CFAP54: variants seen among roughly 807,000 people sequenced by gnomAD.
The protein encoded by CFAP54 is cilia- and flagella-associated protein 54.
CFAP54 carries 290 observed loss-of-function variants against 370.4 expected under a neutral mutation model. The observed-to-expected ratio is 0.78, with a 90% CI of 0.71 to 0.86. The LOEUF (loss-of-function observed/expected upper bound fraction) is 0.86. CFAP54 is among the 40% of genes least tolerant of loss of function. The pLI, the probability that CFAP54 is intolerant of heterozygous loss-of-function variation, is 0.00. For synonymous variants in CFAP54, 1,206 were observed against 1,236.5 expected, an observed-to-expected ratio of 0.98 and a Z score of 0.52; for missense variants, 3,399 against 3,528.7, an observed-to-expected ratio of 0.96 and a Z score of 0.93.
chr12:96,653,650 T>TATA (rs1163702202), intron 36 of CFAP54, among the ~76,000 whole-genome samples: 2 of 151,482 alleles, frequency 1.3e-5, no homozygotes, highest in Non-Finnish European at 2.9e-5. Context: ...CAATGCTTAA[T>TATA]AGGAAAGAAA....
At chr12:96,580,576 G>A (rs1956022843) in intron 20 of CFAP54, 21 bp from the exon 21 acceptor site, 3 of 1,427,910 alleles carry the variant, frequency 2.1e-6, no homozygotes, top group Middle Eastern at 1.8e-4. Context: ...TTTTAAACAG[G>A]CTCATTTTTC....
At chr12:96,493,536 G>A (rs960549592) in intron 1 of CFAP54, among the ~76,000 whole-genome samples, 1 of 152,128 alleles carries the variant, frequency 6.6e-6, no homozygotes, top group African/African-American at 2.4e-5. Context: ...AGCTGGGTGC[G>A]GTGGCTCACG....
intron 36 of CFAP54, among the ~76,000 whole-genome samples, chr12:96,654,088 A>G (rs1592689909): frequency 1.3e-5 from 2 of 152,372 alleles, no homozygotes; most frequent in East Asian, 3.9e-4. Flanking sequence ...GTACTAACAA[A>G]CTTGACTTCA....
In CFAP54 at chr12:96,723,661, C is replaced by CT. The variant is rs367616321; in HGVS notation, c.6965+3106dup. ...CTGGAGCCCACAAATAAAGATGATT[C>CT]TTTTTTTTTTCTTTTTTTAAATTAT... On this transcript the variant is annotated intron_variant, in intron 50 of 67. Transcript: ENST00000524981. Among the ~76,000 whole-genome samples, 459 of 148,056 alleles carry CT rather than the reference C, an allele frequency of 3.1e-3. 4 individuals are homozygous for CT. The highest frequency in any genetic ancestry group is 2.5e-3 in the Non-Finnish European group (165 of 66,534).
intron 50 of CFAP54, among the ~76,000 whole-genome samples, chr12:96,731,779 C>T (rs142473882): frequency 3.5e-4 from 53 of 152,110 alleles, no homozygotes; most frequent in African/African-American, 1.2e-3. Context: ...CATAATGTTA[C>T]AAAATCCTAG....
intron 66 of CFAP54, among the ~76,000 whole-genome samples, chr12:96,852,959 A>T (rs1437985457): frequency 6.6e-6 from 1 of 152,138 alleles, no homozygotes; most frequent in African/African-American, 2.4e-5. Flanking sequence ...TTTTAAACAG[A>T]AATTGTCAGA....
At chr12:96,542,524 T>G (rs1239355421) in intron 14 of CFAP54, among the ~76,000 whole-genome samples, 3 of 152,198 alleles carry the variant, frequency 2.0e-5, no homozygotes, top group Non-Finnish European at 4.4e-5. Flanking sequence ...TAAATCACCA[T>G]GTATGCATCG....
chr12:96,830,632 T>C (rs887366348), intron 66 of CFAP54, among the ~76,000 whole-genome samples: 12 of 152,114 alleles, frequency 7.9e-5, no homozygotes, highest in African/African-American at 2.9e-4. Flanking sequence ...CAATAGTAGA[T>C]GAGAGGACCA....
chr12:96,720,682 T>C (rs1957740578), intron 50 of CFAP54, 117 bp downstream of exon 50: 1 of 833,578 alleles, frequency 1.2e-6, no homozygotes, highest in Non-Finnish European at 1.6e-6. Flanking sequence ...CATAGTATGC[T>C]TGCTTTTTAT....
chr12:96,817,818 G>T lies in CFAP54; in HGVS notation c.9001G>T (p.Ala3001Ser). The change falls in exon 65 of 68, where the codon GCT becomes TCT. Residue 3001 changes from alanine to serine, a missense_variant. By Grantham distance (99) the Ala-to-Ser change is moderately conservative. Coordinates refer to ENST00000524981, the MANE Select transcript of CFAP54 (RefSeq NM_001306084.2). ...GAAATTATCTAATCTTGCTCAAATA[G>T]CTGAACTATCATTGCCAGCAGCTCC... ...HEKLSNLAQI[A>S]ELSLPAAPEI... 6.6e-7 allele frequency: 1 copy of T among 1,509,964 alleles called. No homozygotes were observed. Among genetic ancestry groups the T allele is most frequent in the Non-Finnish European group, 8.8e-7 (1 of 1,131,988 alleles). 93.5% of individuals were successfully genotyped at this position (1,509,964 alleles called of 1,614,324 possible).
At chr12:96,521,384 C>T (rs1356408884) in intron 6 of CFAP54, among the ~76,000 whole-genome samples, 1 of 152,100 alleles carries the variant, frequency 6.6e-6, no homozygotes, top group Non-Finnish European at 1.5e-5. Context: ...GTATTGGAGA[C>T]ACAAAAATGA....
chr12:96,700,319 A>G (rs1261994347), intron 46 of CFAP54, among the ~76,000 whole-genome samples: 2 of 152,120 alleles, frequency 1.3e-5, no homozygotes, highest in African/African-American at 4.8e-5. Flanking sequence ...TTGCAATCGA[A>G]TTCTGGCTCA....
chr12:96,679,811 A>G (rs918021765), intron 40 of CFAP54, 59 bp downstream of exon 40: 70 of 1,544,136 alleles, frequency 4.5e-5, no homozygotes, highest in Non-Finnish European at 6.1e-5. Flanking sequence ...CACCCTGCAG[A>G]TGTCCCTCTT....
chr12:96,872,603 T>C (rs866992846), intron 67 of CFAP54, among the ~76,000 whole-genome samples: 18 of 152,338 alleles, frequency 1.2e-4, no homozygotes, highest in Middle Eastern at 3.4e-3. Context: ...GATGACATAG[T>C]TCTAAATGTG....
At chr12:96,788,942 T>A (rs1041854104) in intron 62 of CFAP54, among the ~76,000 whole-genome samples, 2 of 152,168 alleles carry the variant, frequency 1.3e-5, no homozygotes, top group Non-Finnish European at 2.9e-5. Context: ...TGTGCCCAGA[T>A]TCTAAATCAT....
intron 5 of CFAP54, among the ~76,000 whole-genome samples, chr12:96,515,912 G>GTTTTTTTTTTTTTTTTT (rs71437221): frequency 9.2e-6 from 1 of 108,270 alleles, no homozygotes. Flanking sequence ...TTACCTCTAT[G>GTTTTTTTTTTTTTTTTT]TTTTTTTTTT....
rs187800331 is a variant in CFAP54, at chr12:96,691,287, C to T, written c.6241C>T (p.His2081Tyr). The part of the protein sequence containing the change: ...ASLYYIIREL[H>Y]FVRQNLIVLP... ...TCTGTATTACATTATACGTGAACTG[C>T]ACTTTGTTAGGCAAAACCTAATAGT... Residue 2081 changes from histidine to tyrosine, a missense_variant, in exon 44 of 68, where the codon CAC becomes TAC. Physicochemically the swap from His to Tyr is moderately conservative, Grantham distance 83 (BLOSUM62 2). Transcript: ENST00000524981. 3 of 1,594,660 alleles carry T rather than the reference C, an allele frequency of 1.9e-6. No individual in the cohort carries two copies. Among genetic ancestry groups the T allele is most frequent in the Admixed American group, 1.8e-5 (1 of 54,750 alleles).
intron 58 of CFAP54, among the ~76,000 whole-genome samples, chr12:96,762,492 C>G (rs1004104281): frequency 1.3e-5 from 2 of 152,204 alleles, no homozygotes; most frequent in African/African-American, 4.8e-5. Flanking sequence ...GGAAAACGCC[C>G]ACCATATTCT....
Position 96,507,053 on chromosome 12 carries a change from G to A in CFAP54, c.693G>A (p.Met231Ile), listed in dbSNP as rs755313123. 6.5e-5 allele frequency: 100 copies of A among 1,534,644 alleles called. No individual in the cohort carries two copies. In the African/African-American group the frequency reaches 1.3e-3, roughly 20 times the overall value. ...LHILSSLRLI[M>I]QVALPQEHLC... ...TCTTGTCCTCCTTAAGGCTCATCAT[G>A]CAAGTGGCTCTGCCACAAGAGCATC... is the stretch of plus-strand genomic sequence containing the variant. The change falls in exon 4 of 68, where the codon ATG becomes ATA. Residue 231 changes from methionine (M) to isoleucine (I), a missense_variant. This residue lies in a region of CFAP54 where 559 missense variants were observed against 576.7 expected (regional missense o/e 0.97). Coordinates refer to ENST00000524981, the MANE Select transcript of CFAP54 (RefSeq NM_001306084.2).
Sources: gnomAD v4.1 joint callset for allele counts (sites outside exome capture counted in the v4.1 genomes callset) on GRCh38, gnomAD v4.1.1 for gene constraint, gnomAD v4.1.1 regional missense constraint, MANE v1.5 for transcripts, NCBI Gene and HGNC (gene_info 2026-07-23, HGNC 2026-07-21) for gene names.